The following SLC13A3 variants were observed in gnomAD, a reference collection of about 807,000 sequenced individuals.
The protein encoded by SLC13A3 is Na(+)/dicarboxylate cotransporter 3.
In SLC13A3, 40 loss-of-function variants were observed where a neutral mutation model predicts 59.0. That is an observed-to-expected ratio of 0.68 (90% CI 0.53 to 0.88). SLC13A3 has a LOEUF of 0.88. Among genes scored for constraint, SLC13A3 ranks in the 40% least tolerant of loss-of-function variants. The probability of loss-of-function intolerance (pLI) is 0.00; values close to 1 mark genes in which losing one functional copy is unlikely to be tolerated. For missense variants in SLC13A3, 699 were observed against 783.2 expected, an observed-to-expected ratio of 0.89 and a Z score of 1.28; for synonymous variants, 317 against 330.3, an observed-to-expected ratio of 0.96 and a Z score of 0.44.
chr20:46,664,374 A>G (rs1164805683), intron 1 of SLC13A3, among the ~76,000 whole-genome samples: 1 of 152,190 alleles, frequency 6.6e-6, no homozygotes, highest in African/African-American at 2.4e-5. Flanking sequence ...GCATTGGTCT[A>G]TGTTAGATGC....
At chr20:46,632,138 T>C (rs559080575) in intron 1 of SLC13A3, among the ~76,000 whole-genome samples, 2 of 152,304 alleles carry the variant, frequency 1.3e-5, no homozygotes, top group East Asian at 3.9e-4. Flanking sequence ...TGAGACCAGC[T>C]GCCCACAGCA....
chr20:46,583,109 A>G, intron 9 of SLC13A3: 1 of 982,770 alleles, frequency 1.0e-6, no homozygotes, highest in Non-Finnish European at 1.2e-6. Flanking sequence ...AGAAAAATAA[A>G]CATTTTTTGC....
At chr20:46,680,283 G>A (rs932744998) in intron 1 of SLC13A3, among the ~76,000 whole-genome samples, 1 of 152,156 alleles carries the variant, frequency 6.6e-6, no homozygotes, top group Admixed American at 6.5e-5. Flanking sequence ...GGGAACAAAT[G>A]GAGCTGTATT....
chr20:46,610,489 C>A lies in SLC13A3; in HGVS notation c.498G>T (p.Lys166Asn). The A allele has an allele frequency of 2.5e-6, 4 of 1,614,134 alleles. No individual in the cohort carries two copies. Among genetic ancestry groups the A allele is most frequent in the Non-Finnish European group, 3.4e-6 (4 of 1,180,022 alleles). Residue 166 changes from lysine to asparagine, a missense_variant, in exon 3 of 13, where the codon AAG (lysine) becomes AAT (asparagine). Transcript: ENST00000279027. Reference protein sequence around the residue: ...NAILKSLFGQKEVRKDPSQES... With the variant: ...NAILKSLFGQNEVRKDPSQES... Reference sequence around the variant, plus strand: ...CCTGGCTGGGGTCCTTTCGAACCTCCTTCTGGCCAAAGAGACTTTTCAGGA... The same window carrying A: ...CCTGGCTGGGGTCCTTTCGAACCTCATTCTGGCCAAAGAGACTTTTCAGGA...
Position 46,560,013 on chromosome 20 carries a change from CA to C in SLC13A3, c.*8del. On this transcript the variant is annotated 3_prime_UTR_variant, in exon 13 of 13. Transcript: ENST00000279027. The stretch of plus-strand genomic sequence containing the variant: ...AGGGTTCAGCCTCAAGGGAGTCCTC[CA>C]GGGGGACTCAGAGGGTCCGAAATGT... 1 of 1,613,470 alleles carries C rather than the reference CA, an allele frequency of 6.2e-7. No homozygotes were observed. The highest frequency in any genetic ancestry group is 8.5e-7 in the Non-Finnish European group (1 of 1,179,744).
intron 1 of SLC13A3, among the ~76,000 whole-genome samples, chr20:46,647,819 G>T (rs1406424149): frequency 6.6e-6 from 1 of 152,284 alleles, no homozygotes; most frequent in African/African-American, 2.4e-5. Context: ...TCATCAAGCT[G>T]GAAACCCAGG....
intron 1 of SLC13A3, among the ~76,000 whole-genome samples, chr20:46,669,247 G>A (rs1036866473): frequency 1.3e-5 from 2 of 152,152 alleles, no homozygotes; most frequent in African/African-American, 4.8e-5. Context: ...TTCAGCTAAA[G>A]GAGAAATCTT....
chr20:46,667,663 C>A (rs2063069067), intron 1 of SLC13A3, among the ~76,000 whole-genome samples: 1 of 152,152 alleles, frequency 6.6e-6, no homozygotes, highest in Admixed American at 6.5e-5. Flanking sequence ...TCTGGCTGGG[C>A]CACTTGCTCG....
chr20:46,572,334 C>T (rs1028056082), intron 10 of SLC13A3, among the ~76,000 whole-genome samples: 3 of 152,140 alleles, frequency 2.0e-5, no homozygotes, highest in South Asian at 2.1e-4. Flanking sequence ...GAGGATGGTA[C>T]GGCAGAGGCT....
intron 1 of SLC13A3, among the ~76,000 whole-genome samples, chr20:46,626,688 C>T (rs1341859818): frequency 6.6e-6 from 1 of 152,174 alleles, no homozygotes. Flanking sequence ...TGCCCCTCAT[C>T]CCCTGACCTT....
intron 1 of SLC13A3, among the ~76,000 whole-genome samples, chr20:46,656,777 C>T (rs2062997120): frequency 6.6e-6 from 1 of 151,888 alleles, no homozygotes; most frequent in Admixed American, 6.6e-5. Flanking sequence ...TGCTGTAGTT[C>T]CCCCTGTCCC....
intron 1 of SLC13A3, among the ~76,000 whole-genome samples, chr20:46,622,198 C>T (rs80008497): frequency 1.3e-5 from 2 of 152,194 alleles, no homozygotes; most frequent in South Asian, 4.2e-4. Context: ...AGATTGTGAC[C>T]CTGACTCTTT....
intron 8 of SLC13A3, chr20:46,585,731 G>A: frequency 7.7e-6 from 10 of 1,296,816 alleles, no homozygotes; most frequent in Non-Finnish European, 1.0e-5. Context: ...TGCTTATAAT[G>A]CCCATTTTGC....
At position 46,596,240 on chromosome 20, in the gene SLC13A3, G is replaced by A. The variant is rs2062311349; in HGVS notation, c.711C>T (p.Ser237=). ...RRNIWKGFLI[S]IPYSASIGGT... is the part of the protein sequence containing the mutation. Reference sequence around the variant, plus strand: ...CCCCAATACTGGCTGAGTAGGGGATGGAGATGAGGAAGCCCTTCCAGATGT... The same window carrying A: ...CCCCAATACTGGCTGAGTAGGGGATAGAGATGAGGAAGCCCTTCCAGATGT... Residue 237 remains serine (S), a synonymous_variant, in exon 5 of 13, where the codon TCC becomes TCT. Coordinates refer to ENST00000279027, the MANE Select transcript of SLC13A3 (RefSeq NM_022829.6). The A allele has an allele frequency of 6.2e-7, 1 of 1,614,184 alleles. No homozygotes were observed. Among genetic ancestry groups the A allele is most frequent in the African/African-American group, 1.3e-5 (1 of 75,054 alleles).
chr20:46,638,684 T>A (rs2062818527), intron 1 of SLC13A3, among the ~76,000 whole-genome samples: 1 of 152,202 alleles, frequency 6.6e-6, no homozygotes, highest in Admixed American at 6.5e-5. Context: ...TAGGCCTCAG[T>A]TTCCTCATCA....
In SLC13A3 at chr20:46,600,005, G is replaced by T; in HGVS notation, c.574C>A (p.Pro192Thr). The T allele has an allele frequency of 1.3e-6, 2 of 1,590,356 alleles. No homozygotes were observed. Among genetic ancestry groups the T allele is most frequent in the Non-Finnish European group, 1.7e-6 (2 of 1,163,334 alleles). ...CTGGCGAGAAACTGCATCTCCGTGG[G>T]CACAGTGTGTAGGCCGTTTCTCCGC... ...AVRRNGLHTV[P>T]TEMQFLASTE... The change falls in exon 4 of 13, where the codon CCC becomes ACC. Residue 192 changes from proline (P) to threonine (T), a missense_variant. Pro to Thr is a conservative substitution (Grantham distance 38). Transcript: ENST00000279027.
At chr20:46,661,733 G>C (rs558504208) in intron 1 of SLC13A3, among the ~76,000 whole-genome samples, 2 of 152,222 alleles carry the variant, frequency 1.3e-5, no homozygotes, top group South Asian at 4.1e-4. Flanking sequence ...TGGTAGGGGT[G>C]TCTTTTCACT....
intron 1 of SLC13A3, among the ~76,000 whole-genome samples, chr20:46,649,747 G>A (rs1277121973): frequency 6.6e-6 from 1 of 152,186 alleles, no homozygotes; most frequent in Non-Finnish European, 1.5e-5. Flanking sequence ...CCTGGGGTGG[G>A]CTGAGTTTTG....
At position 46,659,612 on chromosome 20, in the gene SLC13A3, G is replaced by GT. The variant is rs2063014971; in HGVS notation, c.-31+10430_-31+10431insA. On this transcript the variant is annotated intron_variant, in intron 1 of 12. Transcript: ENST00000290317. ...CATCTGTAGTCCCAGCTACCGGGGA[G>GT]GCTGAGGTGGGAGGATAGCTCGAGC... 9.9e-5 allele frequency among the ~76,000 whole-genome samples: 15 copies of GT among 152,046 alleles called. 1 individual carries two copies. In the South Asian group the frequency reaches 2.5e-3, roughly 25 times the overall value.
Sources: gnomAD v4.1 joint callset for allele counts (sites outside exome capture counted in the v4.1 genomes callset) on GRCh38, gnomAD v4.1.1 for gene constraint, MANE v1.5 for transcripts, NCBI Gene and HGNC (gene_info 2026-07-23, HGNC 2026-07-21) for gene names.